Variants in CPLX4 observed in about 807,000 individuals in gnomAD.
The protein encoded by CPLX4 is complexin-4.
Under a neutral mutation model 16.1 loss-of-function variants are expected in CPLX4, and 17 were observed. That is an observed-to-expected ratio of 1.06 (90% CI 0.72 to 1.59). The LOEUF is 1.59. Among genes scored for constraint, CPLX4 ranks in the 40% most tolerant of loss-of-function variants. The pLI, the probability that CPLX4 is intolerant of heterozygous loss-of-function variation, is 0.00. For synonymous variants in CPLX4, 55 were observed against 57.8 expected, an observed-to-expected ratio of 0.95 and a Z score of 0.22; for missense variants, 193 against 192.9, an observed-to-expected ratio of 1.00 and a Z score of 0.00.
chr18:59,297,436 C>T (rs1453184822), intron 2 of CPLX4, among the ~76,000 whole-genome samples: 1 of 151,256 alleles, frequency 6.6e-6, no homozygotes, highest in South Asian at 2.1e-4. Context: ...CACCACCACA[C>T]TCAGCTGATT....
At chr18:59,301,760 A>C (rs2070543078) in intron 2 of CPLX4, among the ~76,000 whole-genome samples, 1 of 152,240 alleles carries the variant, frequency 6.6e-6, no homozygotes, top group Non-Finnish European at 1.5e-5. Flanking sequence ...TAGGAGAATG[A>C]AAGATTGTGG....
At chr18:59,316,406 A>G (rs958895494) in intron 1 of CPLX4, among the ~76,000 whole-genome samples, 11 of 152,178 alleles carry the variant, frequency 7.2e-5, no homozygotes. Flanking sequence ...GGAGGCTTTC[A>G]TTTGCTAACA....
intron 1 of CPLX4, among the ~76,000 whole-genome samples, chr18:59,315,054 C>T (rs1603392323): frequency 1.3e-5 from 2 of 151,424 alleles, no homozygotes; most frequent in South Asian, 2.1e-4. Flanking sequence ...CTGGGTTCTA[C>T]GGTAACTTAC....
At chr18:59,299,025 T>C (rs1055972290) in intron 2 of CPLX4, among the ~76,000 whole-genome samples, 1 of 152,228 alleles carries the variant, frequency 6.6e-6, no homozygotes, top group Admixed American at 6.5e-5. Context: ...CGCGCCAGCC[T>C]CCGGAGATAA....
chr18:59,296,328 G>T lies in CPLX4; in HGVS notation c.*370C>A, dbSNP rs904032929. 1 of 277,488 alleles carries T rather than the reference G, an allele frequency of 3.6e-6. No individual in the cohort carries two copies. The highest frequency in any genetic ancestry group is 6.8e-6 in the Non-Finnish European group (1 of 147,194). 17.2% of individuals were successfully genotyped at this position (277,488 alleles called of 1,614,324 possible). A position where few individuals can be genotyped will look rare whatever the true frequency, so the allele number is the denominator to read the frequency against. ...TCTCTGAAGGGACCTGGTGTCCTGCGAATAGTTGGACAGGGTGAGAACTTG... is the reference window on the plus strand; with the variant it reads ...TCTCTGAAGGGACCTGGTGTCCTGCTAATAGTTGGACAGGGTGAGAACTTG... On this transcript the variant is annotated 3_prime_UTR_variant, in exon 3 of 3. Coordinates refer to ENST00000299721, the MANE Select transcript of CPLX4 (RefSeq NM_181654.4).
intron 2 of CPLX4, among the ~76,000 whole-genome samples, chr18:59,301,572 C>T (rs575460271): frequency 2.0e-5 from 3 of 152,314 alleles, no homozygotes; most frequent in South Asian, 2.1e-4. Flanking sequence ...CAGACAAGGC[C>T]GTTGAGTGGC....
chr18:59,307,536 AG>A (rs1481275012), intron 2 of CPLX4, among the ~76,000 whole-genome samples: 1 of 152,160 alleles, frequency 6.6e-6, no homozygotes, highest in Non-Finnish European at 1.5e-5. Context: ...GCCCTCGGTC[AG>A]CCCTCCCCTG....
Position 59,295,415 on chromosome 18 carries a change from T to C in CPLX4, c.*1283A>G, listed in dbSNP as rs2070491912. On this transcript the variant is annotated 3_prime_UTR_variant, in exon 3 of 3. Coordinates refer to ENST00000299721, the MANE Select transcript of CPLX4 (RefSeq NM_181654.4). ...AAGGACCATAGGTTTTGGACCTCTA[T>C]TCATTTGTTTTATTTGCTTAATTTT... 6.6e-6 allele frequency: 1 copy of C among 152,158 alleles called. No homozygotes were observed. The highest frequency in any genetic ancestry group is 2.4e-5 in the African/African-American group (1 of 41,418). The allele number at this position is 152,158 out of a possible 1,614,324, so 9.4% of individuals were successfully genotyped here.
At chr18:59,313,981 G>A (rs1230241424) in intron 1 of CPLX4, among the ~76,000 whole-genome samples, 1 of 152,126 alleles carries the variant, frequency 6.6e-6, no homozygotes, top group Non-Finnish European at 1.5e-5. Flanking sequence ...TGGTTTCTAT[G>A]TCTTGACTCC....
chr18:59,312,424 G>C (rs1203650362), intron 2 of CPLX4, among the ~76,000 whole-genome samples: 1 of 138,046 alleles, frequency 7.2e-6, no homozygotes, highest in Non-Finnish European at 1.6e-5. Flanking sequence ...TATATATCCT[G>C]AATATGTGTG....
intron 2 of CPLX4, among the ~76,000 whole-genome samples, chr18:59,301,520 C>T (rs1369974016): frequency 6.6e-6 from 1 of 152,184 alleles, no homozygotes; most frequent in Non-Finnish European, 1.5e-5. Flanking sequence ...CTCTGGGCTG[C>T]AGCCTGTGCC....
intron 2 of CPLX4, among the ~76,000 whole-genome samples, chr18:59,299,982 A>G (rs2070528942): frequency 6.6e-6 from 1 of 152,210 alleles, no homozygotes; most frequent in African/African-American, 2.4e-5. Context: ...TAACTTACTC[A>G]TCTTTCTGTC....
rs1326662359 is a variant in CPLX4, at chr18:59,296,582, A to G, written c.*116T>C. On this transcript the variant is annotated 3_prime_UTR_variant, in exon 3 of 3. Coordinates refer to ENST00000299721, the MANE Select transcript of CPLX4 (RefSeq NM_181654.4). ...CCAAATTATTGTCTGTCAATGGATCATCGTGGTTTTCCTAACTGTGTTCAC... is the reference window on the plus strand; with the variant it reads ...CCAAATTATTGTCTGTCAATGGATCGTCGTGGTTTTCCTAACTGTGTTCAC... 6.6e-6 allele frequency: 7 copies of G among 1,055,050 alleles called. No homozygotes were observed. Among genetic ancestry groups the G allele is most frequent in the Middle Eastern group, 2.0e-4 (1 of 4,944 alleles). 65.4% of individuals were successfully genotyped at this position (1,055,050 alleles called of 1,614,324 possible).
Position 59,296,860 on chromosome 18 carries a change from C to T in CPLX4, c.321G>A (p.Arg107=), listed in dbSNP as rs1160368200. ...CTTCTTGATCTTCATCTACCATTTT[C>T]CGGAGATCTTCAGGTAAATCCACAT... ...GDDVDLPEDL[R]KMVDEDQEEE... The change falls in exon 3 of 3, where the codon CGG becomes CGA. Residue 107 remains arginine (R), a synonymous_variant. Coordinates refer to ENST00000299721, the MANE Select transcript of CPLX4 (RefSeq NM_181654.4). 6 of 1,613,756 alleles carry T rather than the reference C, an allele frequency of 3.7e-6. No individual in the cohort carries two copies. The highest frequency in any genetic ancestry group is 1.3e-5 in the African/African-American group (1 of 74,984).
At position 59,318,297 on chromosome 18, in the gene CPLX4, TCTC is replaced by T. The variant is rs777791853; in HGVS notation, c.163_165del (p.Glu55del). ...GGAAATGAAATAGCATGTACTCACT[TCTC>T]CTCAATCATTTGCTTTTGATACTCC... On this transcript the variant is annotated inframe_deletion and splice_region_variant, in exon 1 of 3. Coordinates refer to ENST00000299721, the MANE Select transcript of CPLX4 (RefSeq NM_181654.4). The T allele has an allele frequency of 3.0e-5, 48 of 1,605,652 alleles. No homozygotes were observed. The highest frequency in any genetic ancestry group is 3.8e-5 in the Non-Finnish European group (45 of 1,176,538).
chr18:59,312,896 A>G (rs1005968761), intron 1 of CPLX4, 124 bp from the exon 2 acceptor site: 4 of 525,382 alleles, frequency 7.6e-6, no homozygotes, highest in African/African-American at 3.9e-5. Flanking sequence ...ACACTTGGGA[A>G]CTATGGGATT....
chr18:59,310,520 G>A (rs1444030349), intron 2 of CPLX4, among the ~76,000 whole-genome samples: 1 of 152,174 alleles, frequency 6.6e-6, no homozygotes, highest in Non-Finnish European at 1.5e-5. Flanking sequence ...AAGGCTTGGG[G>A]CCTTGAGGCT....
intron 2 of CPLX4, among the ~76,000 whole-genome samples, chr18:59,306,378 G>C (rs541135540): frequency 1.3e-5 from 2 of 152,326 alleles, no homozygotes; most frequent in East Asian, 3.9e-4. Flanking sequence ...GACTGGTATA[G>C]ATACATATAC....
intron 2 of CPLX4, among the ~76,000 whole-genome samples, chr18:59,300,370 G>A (rs1402131871): frequency 1.4e-4 from 21 of 152,244 alleles, no homozygotes; most frequent in Admixed American, 1.2e-3. Flanking sequence ...TAAAATAAAT[G>A]TTTACTGAAT....
Sources: allele counts gnomAD v4.1 joint callset (sites outside exome capture counted in the v4.1 genomes callset), GRCh38; gene constraint gnomAD v4.1.1; transcripts MANE v1.5; gene names NCBI Gene and HGNC (gene_info 2026-07-23, HGNC 2026-07-21).